Variants in RERE observed in about 807,000 individuals in gnomAD.
The protein encoded by RERE is arginine-glutamic acid dipeptide repeats.
RERE carries 40 observed loss-of-function variants against 146.1 expected under a neutral mutation model. The ratio of observed to expected loss-of-function variants is 0.27; its 90% CI spans 0.21 to 0.36. RERE has a LOEUF of 0.36. Among genes scored for constraint, RERE ranks in the 10% least tolerant of loss-of-function variants. The pLI is 1.00. For missense variants in RERE, 1,933 were observed against 2,138.7 expected, an observed-to-expected ratio of 0.90 and a Z score of 1.90; for synonymous variants, 1,003 against 866.0, an observed-to-expected ratio of 1.16 and a Z score of -2.78.
At chr1:8,655,790 A>T (rs979892879) in intron 2 of RERE, among the ~76,000 whole-genome samples, 183 bp downstream of exon 2, 1 of 152,248 alleles carries the variant, frequency 6.6e-6, no homozygotes, top group Non-Finnish European at 1.5e-5. Flanking sequence ...TAAGGCAGAC[A>T]CAAGCAAGAA....
chr1:8,510,035 GAAAA>G (rs966043201), intron 7 of RERE, among the ~76,000 whole-genome samples: 3 of 151,888 alleles, frequency 2.0e-5, no homozygotes, highest in Non-Finnish European at 2.9e-5. Context: ...GACAAAGGAA[GAAAA>G]AAAGAAGAGG....
intron 2 of RERE, among the ~76,000 whole-genome samples, chr1:8,651,034 T>C (rs549294873): frequency 1.3e-4 from 20 of 149,520 alleles, no homozygotes; most frequent in Non-Finnish European, 2.7e-4. Context: ...GAGGCAGAGG[T>C]TGCAGTGAGT....
intron 1 of RERE, among the ~76,000 whole-genome samples, chr1:8,760,355 T>C (rs1640730762): frequency 1.3e-5 from 2 of 152,180 alleles, no homozygotes; most frequent in Admixed American, 1.3e-4. Flanking sequence ...AAGACAATCA[T>C]TTATACATCA....
chr1:8,390,503 ATCTC>A (rs1642847934), intron 12 of RERE, among the ~76,000 whole-genome samples: 1 of 152,154 alleles, frequency 6.6e-6, no homozygotes, highest in Admixed American at 6.5e-5. Context: ...TTTTGAACCC[ATCTC>A]TCTTTCTTCA....
At chr1:8,416,387 C>T (rs963323534) in intron 12 of RERE, among the ~76,000 whole-genome samples, 4 of 151,988 alleles carry the variant, frequency 2.6e-5, no homozygotes, top group African/African-American at 7.2e-5. Flanking sequence ...AGATCGAGAC[C>T]ATCCTGGTTA....
chr1:8,666,445 C>T (rs1306912009), intron 1 of RERE, among the ~76,000 whole-genome samples: 2 of 152,216 alleles, frequency 1.3e-5, no homozygotes, highest in African/African-American at 4.8e-5. Context: ...CCAAGAGAAG[C>T]AGCTGCAGCC....
chr1:8,669,945 T>C (rs1449142431), intron 1 of RERE, among the ~76,000 whole-genome samples: 1 of 152,186 alleles, frequency 6.6e-6, no homozygotes, highest in Non-Finnish European at 1.5e-5. Flanking sequence ...GCACTTCTAA[T>C]CCACAGGTAC....
chr1:8,398,870 G>A (rs1004777980), intron 12 of RERE, among the ~76,000 whole-genome samples: 3 of 152,018 alleles, frequency 2.0e-5, no homozygotes, highest in Admixed American at 6.6e-5. Flanking sequence ...CAATGTGCGC[G>A]GCCACTAGGA....
intron 1 of RERE, among the ~76,000 whole-genome samples, chr1:8,669,187 C>T (rs1232025230): frequency 6.8e-6 from 1 of 147,264 alleles, no homozygotes; most frequent in Admixed American, 6.6e-5. Flanking sequence ...ATACCCCCCC[C>T]AACTCGGCCT....
At chr1:8,586,148 C>T (rs1304128500) in intron 4 of RERE, among the ~76,000 whole-genome samples, 2 of 152,112 alleles carry the variant, frequency 1.3e-5, no homozygotes, top group Non-Finnish European at 2.9e-5. Context: ...TTGGAATCAA[C>T]AACAAACAAA....
chr1:8,481,800 A>G (rs1644837558), intron 10 of RERE, among the ~76,000 whole-genome samples: 2 of 152,322 alleles, frequency 1.3e-5, no homozygotes, highest in South Asian at 4.1e-4. Context: ...GGAAAAATGA[A>G]ACATAACAAG....
intron 1 of RERE, among the ~76,000 whole-genome samples, chr1:8,706,208 G>C (rs771866454): frequency 6.6e-6 from 1 of 150,944 alleles, no homozygotes; most frequent in East Asian, 1.9e-4. Context: ...AGTCCCAGCC[G>C]CTCAGGAGGC....
At chr1:8,506,734 A>T (rs1217075793) in intron 8 of RERE, among the ~76,000 whole-genome samples, 1 of 152,204 alleles carries the variant, frequency 6.6e-6, no homozygotes, top group African/African-American at 2.4e-5. Context: ...CCTGCTGGGG[A>T]AATTTTCCTT....
intron 2 of RERE, among the ~76,000 whole-genome samples, chr1:8,638,783 ATTTTTTTTTTTTT>A (rs34276909): frequency 1.3e-4 from 13 of 100,336 alleles, no homozygotes; most frequent in Admixed American, 2.3e-4. Flanking sequence ...ACGAAAAAAA[ATTTTTTTTTTTTT>A]TTTTTTTTTT....
intron 1 of RERE, among the ~76,000 whole-genome samples, chr1:8,801,572 A>AAAAAAAT (rs1641592680): frequency 6.6e-6 from 1 of 152,162 alleles, no homozygotes; most frequent in African/African-American, 2.4e-5. Flanking sequence ...CCTGGCCAAA[A>AAAAAAAT]AAAAAATGTT....
chr1:8,402,650 C>T (rs973036693), intron 12 of RERE, among the ~76,000 whole-genome samples: 3 of 152,000 alleles, frequency 2.0e-5, no homozygotes, highest in African/African-American at 2.4e-5. Flanking sequence ...CCACTTAAGA[C>T]GTTTATGTTT....
In RERE at chr1:8,752,813, A is replaced by G. The variant is rs554159395; in HGVS notation, c.-145+64347T>C. 2.6e-5 allele frequency among the ~76,000 whole-genome samples: 4 copies of G among 152,290 alleles called. No individual in the cohort carries two copies. In the East Asian group the frequency reaches 7.7e-4, roughly 29 times the overall value. On this transcript the variant is annotated intron_variant, in intron 1 of 22. Transcript: ENST00000400908. Reference sequence around the variant, plus strand: ...ACTTTAAACCATTTCATAATTTTTAAATTTTGTTTTCATAGATATTACATT... The same window carrying G: ...ACTTTAAACCATTTCATAATTTTTAGATTTTGTTTTCATAGATATTACATT...
rs1172417452 is a variant in RERE, at chr1:8,364,734, G to A, written c.1540+12C>T. On this transcript the variant is annotated intron_variant, in intron 14 of 22. Transcript: ENST00000400908. This position sits in a 1 kb window ranked among gnomAD's most constrained non-coding sequence, Gnocchi z 5.1. The stretch of plus-strand genomic sequence containing the variant: ...CCCCGCCCCGCCCCAGGAGCGTGAC[G>A]AGGCCACTTACTGGTGGTGAAGCAG... 9 of 1,607,184 alleles carry A rather than the reference G, an allele frequency of 5.6e-6. No homozygotes were observed. The highest frequency in any genetic ancestry group is 1.7e-5 in the Admixed American group (1 of 59,988).
At chr1:8,781,315 C>T (rs1341094744) in intron 1 of RERE, among the ~76,000 whole-genome samples, 3 of 151,150 alleles carry the variant, frequency 2.0e-5, no homozygotes, top group Admixed American at 6.6e-5. Flanking sequence ...AAGATCATGC[C>T]GCTGTACTCC....
Sources: gnomAD v4.1 joint callset for allele counts (sites outside exome capture counted in the v4.1 genomes callset) on GRCh38, gnomAD v4.1.1 for gene constraint, Gnocchi (gnomAD v3.1) non-coding constraint, MANE v1.5 for transcripts, NCBI Gene and HGNC (gene_info 2026-07-23, HGNC 2026-07-21) for gene names.